ITGB6: variants seen among roughly 807,000 people sequenced by gnomAD.
The protein encoded by ITGB6 is integrin subunit beta 6.
A neutral mutation model predicts 84.5 loss-of-function variants in ITGB6; 80 were observed. The ratio of observed to expected loss-of-function variants is 0.95; its 90% CI spans 0.79 to 1.14. The LOEUF (loss-of-function observed/expected upper bound fraction) is 1.14, where lower values mean the gene tolerates loss of function less well. Among genes scored for constraint, ITGB6 ranks in the 50% most tolerant of loss-of-function variants. ITGB6 has a pLI of 0.00. For missense variants in ITGB6, 1,006 were observed against 968.0 expected (o/e 1.04, Z -0.52); for synonymous variants, 383 against 354.9 (o/e 1.08, Z -0.89).
At chr2:160,132,615 C>T (rs1242477399) in intron 10 of ITGB6, among the ~76,000 whole-genome samples, 2 of 152,068 alleles carry the variant, frequency 1.3e-5, no homozygotes, top group Non-Finnish European at 2.9e-5. Flanking sequence ...GATATTGAAG[C>T]TTAAATTCAG....
chr2:160,196,405 A>T lies in ITGB6; in HGVS notation c.157T>A (p.Ser53Thr). ...GTATCACACCTTTCGCCAACTCCAG[A>T]TGGATGAGTAAAATTCTAAAAAAGA... ...WCAQENFTHPSGVGERCDTPA... is the reference protein window; with the variant it reads ...WCAQENFTHPTGVGERCDTPA... The change falls in exon 3 of 15, where the codon TCT becomes ACT. Residue 53 changes from serine to threonine, a missense_variant. By Grantham distance (58) the Ser-to-Thr change is moderately conservative. Transcript: ENST00000283249. 4 of 1,610,026 alleles carry T rather than the reference A, an allele frequency of 2.5e-6. No homozygotes were observed. The highest frequency in any genetic ancestry group is 3.4e-6 in the Non-Finnish European group (4 of 1,178,440).
chr2:160,157,748 CAAAAAAAAAA>C (rs11364475), intron 7 of ITGB6, among the ~76,000 whole-genome samples: 1 of 84,146 alleles, frequency 1.2e-5, no homozygotes, highest in Non-Finnish European at 2.2e-5. Context: ...AGCACAGAGG[CAAAAAAAAAA>C]AAAAAAAAAA....
rs147172632 is a variant in ITGB6, at chr2:160,199,897, A to G, written c.61+106T>C. ...GTGTTCACTCAGTCACAAAAGAGCA[A>G]TGGAACAGATCAAATAAAACATGAC... On this transcript the variant is annotated intron_variant, in intron 1 of 14. Transcript: ENST00000283249. 381 of 862,290 alleles carry G rather than the reference A, an allele frequency of 4.4e-4. 1 individual carries two copies. In the African/African-American group the frequency reaches 5.5e-3, roughly 12 times the overall value. 53.4% of individuals were successfully genotyped at this position (862,290 alleles called of 1,614,324 possible).
chr2:160,172,367 C>G (rs1016003779), intron 6 of ITGB6, among the ~76,000 whole-genome samples: 1 of 152,176 alleles, frequency 6.6e-6, no homozygotes, highest in Admixed American at 6.5e-5. Context: ...GATCTAACTT[C>G]CCACATGTCC....
intron 2 of ITGB6, among the ~76,000 whole-genome samples, chr2:160,197,081 A>G (rs1686372231): frequency 2.6e-5 from 4 of 152,124 alleles, no homozygotes; most frequent in Admixed American, 2.6e-4. Flanking sequence ...GAAGTATCCT[A>G]GTTCAAGATC....
chr2:160,157,570 C>G (rs897747951), intron 7 of ITGB6, among the ~76,000 whole-genome samples: 11 of 151,978 alleles, frequency 7.2e-5, no homozygotes, highest in Admixed American at 7.2e-4. Flanking sequence ...ATACACATGC[C>G]TATGTCTATA....
At chr2:160,180,989 C>A (rs1036966307) in intron 4 of ITGB6, among the ~76,000 whole-genome samples, 1 of 152,202 alleles carries the variant, frequency 6.6e-6, no homozygotes, top group African/African-American at 2.4e-5. Context: ...GTCTTCACAA[C>A]CCCCAGACCA....
chr2:160,114,129 G>T (rs1038741362), intron 12 of ITGB6, among the ~76,000 whole-genome samples: 1 of 152,090 alleles, frequency 6.6e-6, no homozygotes, highest in African/African-American at 2.4e-5. Context: ...CCTGGTCAGG[G>T]TTATTTAAGT....
At chr2:160,124,076 A>G (rs1183416361) in intron 11 of ITGB6, among the ~76,000 whole-genome samples, 188 bp from the exon 12 acceptor site, 1 of 152,246 alleles carries the variant, frequency 6.6e-6, no homozygotes, top group Non-Finnish European at 1.5e-5. Flanking sequence ...TCTGAGTTCC[A>G]CTCAGTAATC....
chr2:160,180,336 G>A (rs1426564687), intron 4 of ITGB6, among the ~76,000 whole-genome samples: 1 of 152,048 alleles, frequency 6.6e-6, no homozygotes, highest in African/African-American at 2.4e-5. Flanking sequence ...ATAGAGCCTT[G>A]GACACTCTCT....
At chr2:160,139,925 AG>A (rs1445965038) in intron 8 of ITGB6, among the ~76,000 whole-genome samples, 2 of 152,148 alleles carry the variant, frequency 1.3e-5, no homozygotes, top group Admixed American at 6.6e-5. Flanking sequence ...TCGGTATTTA[AG>A]GTTTTTTTAA....
At chr2:160,150,118 T>C (rs959447082) in intron 7 of ITGB6, among the ~76,000 whole-genome samples, 1 of 152,106 alleles carries the variant, frequency 6.6e-6, no homozygotes, top group Admixed American at 6.5e-5. Context: ...ACTACAAAGA[T>C]ACTCCTCGAG....
intron 7 of ITGB6, among the ~76,000 whole-genome samples, chr2:160,145,615 C>T (rs760940793): frequency 7.2e-5 from 11 of 152,186 alleles, no homozygotes; most frequent in Non-Finnish European, 1.3e-4. Flanking sequence ...ATCCTGGGCT[C>T]CTCTCAGAGA....
At chr2:160,117,576 C>T (rs1316988035) in intron 12 of ITGB6, among the ~76,000 whole-genome samples, 11 of 152,096 alleles carry the variant, frequency 7.2e-5, no homozygotes, top group East Asian at 5.8e-4. Context: ...AGATCCAAAA[C>T]TGACACCCTA....
At chr2:160,130,951 G>C (rs778253041) in intron 10 of ITGB6, among the ~76,000 whole-genome samples, 18 of 152,170 alleles carry the variant, frequency 1.2e-4, no homozygotes, top group Non-Finnish European at 1.9e-4. Context: ...AAAACACGGA[G>C]CTCCTCTCAG....
At chr2:160,127,358 C>T (rs900898945) in intron 10 of ITGB6, among the ~76,000 whole-genome samples, 2 of 152,212 alleles carry the variant, frequency 1.3e-5, no homozygotes, top group South Asian at 4.1e-4. Flanking sequence ...ACCCTGTTCT[C>T]CACAACCCCT....
Position 160,195,581 on chromosome 2 carries a change from C to T in ITGB6, c.381G>A (p.Gln127=), listed in dbSNP as rs143559183. 551 of 1,613,996 alleles carry T rather than the reference C, an allele frequency of 3.4e-4. No homozygotes were observed. Among genetic ancestry groups the T allele is most frequent in the Non-Finnish European group, 4.5e-4 (536 of 1,179,998 alleles). ...GAQTLQVHVR[Q]TEDYPVDLYY... ...ACAAATCCACCGGGTAGTCCTCAGT[C>T]TGGCGGACATGCACCTGCAGAGTCT... The change falls in exon 4 of 15, where the codon CAG becomes CAA. Residue 127 remains glutamine, a synonymous_variant. Coordinates refer to ENST00000283249, the MANE Select transcript of ITGB6 (RefSeq NM_000888.5).
At chr2:160,141,070 G>A (rs1488856616) in intron 8 of ITGB6, among the ~76,000 whole-genome samples, 1 of 151,898 alleles carries the variant, frequency 6.6e-6, no homozygotes, top group Non-Finnish European at 1.5e-5. Flanking sequence ...TTACAGATGG[G>A]CCTTTTTTTT....
chr2:160,136,016 A>T (rs1232863565), intron 10 of ITGB6, among the ~76,000 whole-genome samples: 1 of 152,228 alleles, frequency 6.6e-6, no homozygotes, highest in African/African-American at 2.4e-5. Flanking sequence ...TGTCTAAAAC[A>T]CCAAAAGCAA....
Sources: allele counts gnomAD v4.1 joint callset (sites outside exome capture counted in the v4.1 genomes callset), GRCh38; gene constraint gnomAD v4.1.1; transcripts MANE v1.5; gene names NCBI Gene and HGNC (gene_info 2026-07-23, HGNC 2026-07-21).